The following PPP1R9A variants were observed in gnomAD, a reference collection of about 807,000 sequenced individuals.
PPP1R9A encodes protein phosphatase 1 regulatory subunit 9A.
PPP1R9A carries 59 observed loss-of-function variants against 141.9 expected under a neutral mutation model. The observed-to-expected ratio is 0.42, with a 90% CI of 0.34 to 0.52. The LOEUF (loss-of-function observed/expected upper bound fraction) is 0.52. Ranked by LOEUF, PPP1R9A falls within the 20% of genes least tolerant of loss-of-function variation. The pLI is 0.10. For missense variants in PPP1R9A, 1,444 were observed against 1,611.9 expected (o/e 0.90, Z 1.78); for synonymous variants, 500 against 569.7 (o/e 0.88, Z 1.74).
At chr7:95,115,760 A>G (rs1287543538) in intron 3 of PPP1R9A, among the ~76,000 whole-genome samples, 1 of 151,454 alleles carries the variant, frequency 6.6e-6, no homozygotes, top group Non-Finnish European at 1.5e-5. Context: ...TACTAAAAAT[A>G]AAAAAAATTA....
At chr7:94,998,833 T>C (rs1165669028) in intron 2 of PPP1R9A, among the ~76,000 whole-genome samples, 1 of 152,172 alleles carries the variant, frequency 6.6e-6, no homozygotes, top group African/African-American at 2.4e-5. Flanking sequence ...AGTGTAACCA[T>C]GGCTCACTGC....
At chr7:95,112,322 A>G (rs1441358012) in intron 3 of PPP1R9A, among the ~76,000 whole-genome samples, 3 of 152,164 alleles carry the variant, frequency 2.0e-5, no homozygotes, top group Non-Finnish European at 4.4e-5. Context: ...ACTCCACATC[A>G]CTAATCATCA....
At chr7:95,128,214 T>C (rs545916627) in intron 4 of PPP1R9A, among the ~76,000 whole-genome samples, 2 of 152,322 alleles carry the variant, frequency 1.3e-5, no homozygotes, top group East Asian at 3.9e-4. Context: ...TACTGATTGG[T>C]GTGAAATAAT....
At chr7:94,987,982 A>C (rs376474004) in intron 2 of PPP1R9A, among the ~76,000 whole-genome samples, 28 of 152,218 alleles carry the variant, frequency 1.8e-4, no homozygotes, top group African/African-American at 6.3e-4. Context: ...AACACATCCT[A>C]CTGTGTATAA....
At chr7:95,015,731 A>G (rs1000319398) in intron 2 of PPP1R9A, among the ~76,000 whole-genome samples, 1 of 152,162 alleles carries the variant, frequency 6.6e-6, no homozygotes, top group Non-Finnish European at 1.5e-5. Context: ...CAAGAAGGTC[A>G]GTGAACACCA....
intron 2 of PPP1R9A, among the ~76,000 whole-genome samples, chr7:95,038,269 C>A (rs1808733418): frequency 6.6e-6 from 1 of 152,128 alleles, no homozygotes; most frequent in South Asian, 2.1e-4. Flanking sequence ...CAGAGAGTCT[C>A]AGCCAAGATC....
At chr7:95,210,319 T>C (rs540761274) in intron 7 of PPP1R9A, among the ~76,000 whole-genome samples, 82 of 152,118 alleles carry the variant, frequency 5.4e-4, no homozygotes, top group Non-Finnish European at 1.1e-3. Context: ...ATAACGATAG[T>C]GTAAAAGAAT....
At chr7:95,249,035 G>A (rs1209890345) in intron 9 of PPP1R9A, among the ~76,000 whole-genome samples, 1 of 152,114 alleles carries the variant, frequency 6.6e-6, no homozygotes, top group African/African-American at 2.4e-5. Flanking sequence ...TTGAAGGCCA[G>A]AGAGTTATTG....
chr7:95,202,319 C>G (rs1789737465), intron 6 of PPP1R9A, among the ~76,000 whole-genome samples: 1 of 151,026 alleles, frequency 6.6e-6, no homozygotes, highest in African/African-American at 2.4e-5. Flanking sequence ...AATTTGCATC[C>G]CTGTTTTTGT....
intron 2 of PPP1R9A, among the ~76,000 whole-genome samples, chr7:95,109,911 A>G (rs1020646080): frequency 1.3e-5 from 2 of 152,086 alleles, no homozygotes; most frequent in East Asian, 3.9e-4. Flanking sequence ...TATGAATATT[A>G]TGAAAAGATA....
intron 2 of PPP1R9A, among the ~76,000 whole-genome samples, chr7:94,965,519 G>A (rs1172606600): frequency 6.6e-6 from 1 of 152,096 alleles, no homozygotes; most frequent in Non-Finnish European, 1.5e-5. Context: ...AAGGGGTCCA[G>A]TTTCAGTTTT....
At chr7:95,071,463 A>G (rs1405660737) in intron 2 of PPP1R9A, among the ~76,000 whole-genome samples, 1 of 152,018 alleles carries the variant, frequency 6.6e-6, no homozygotes, top group Non-Finnish European at 1.5e-5. Flanking sequence ...TTTCCTAGAT[A>G]CAATATCTAG....
At chr7:95,231,650 T>C (rs1795974630) in intron 8 of PPP1R9A, among the ~76,000 whole-genome samples, 2 of 152,150 alleles carry the variant, frequency 1.3e-5, no homozygotes. Flanking sequence ...GAATGATTGT[T>C]GGGTCAACAA....
At chr7:95,140,247 A>G (rs1197782670) in intron 4 of PPP1R9A, among the ~76,000 whole-genome samples, 2 of 152,212 alleles carry the variant, frequency 1.3e-5, no homozygotes, top group African/African-American at 4.8e-5. Flanking sequence ...AAAAGTGATT[A>G]TGGACCTACT....
chr7:95,051,743 A>T (rs1029711293), intron 2 of PPP1R9A, among the ~76,000 whole-genome samples: 12 of 152,222 alleles, frequency 7.9e-5, no homozygotes, highest in African/African-American at 2.9e-4. Flanking sequence ...CAATTACAAA[A>T]GATCCTTTAT....
chr7:95,112,929 C>T (rs988284780), intron 3 of PPP1R9A, among the ~76,000 whole-genome samples: 3 of 151,560 alleles, frequency 2.0e-5, no homozygotes, highest in Admixed American at 1.3e-4. Context: ...CAAAAGTTTA[C>T]GAGGGTGGGA....
At chr7:95,004,442 G>A (rs907589243) in intron 2 of PPP1R9A, among the ~76,000 whole-genome samples, 18 of 152,026 alleles carry the variant, frequency 1.2e-4, no homozygotes, top group African/African-American at 4.3e-4. Context: ...AGCTTACTTT[G>A]TCACTATCCC....
chr7:95,082,766 CTTT>C (rs1159814204), intron 2 of PPP1R9A, among the ~76,000 whole-genome samples: 47,357 of 109,696 alleles, frequency 0.43, 8,993 homozygotes, highest in Middle Eastern at 0.5. Flanking sequence ...GAAGGGATTT[CTTT>C]TTTTTTTTTT....
At chr7:95,254,019 T>C (rs768986695) in intron 12 of PPP1R9A, among the ~76,000 whole-genome samples, 2 of 152,120 alleles carry the variant, frequency 1.3e-5, no homozygotes, top group Admixed American at 6.6e-5. Context: ...CAACACACTA[T>C]ACTATTAACA....
Sources: allele counts gnomAD v4.1 joint callset (sites outside exome capture counted in the v4.1 genomes callset), GRCh38; gene constraint gnomAD v4.1.1; transcripts MANE v1.5; gene names NCBI Gene and HGNC (gene_info 2026-07-23, HGNC 2026-07-21).